The following CADM1 variants were observed in gnomAD, a reference collection of about 807,000 sequenced individuals.
The protein encoded by CADM1 is cell adhesion molecule 1.
Under a neutral mutation model 53.1 loss-of-function variants are expected in CADM1, and 15 were observed. That is an observed-to-expected ratio of 0.28 (90% CI 0.19 to 0.44). The LOEUF is 0.44. Ranked by LOEUF, CADM1 falls within the 20% of genes least tolerant of loss-of-function variation. The probability of loss-of-function intolerance (pLI) is 1.00; values close to 1 mark genes in which losing one functional copy is unlikely to be tolerated. For missense variants in CADM1, 434 were observed against 611.3 expected (o/e 0.71, Z 3.06); for synonymous variants, 281 against 243.0 (o/e 1.16, Z -1.45).
chr11:115,376,285 C>T (rs1210052002), intron 1 of CADM1, among the ~76,000 whole-genome samples: 2 of 152,098 alleles, frequency 1.3e-5, no homozygotes. Context: ...CAAACAATAC[C>T]TGCACATTAA....
At chr11:115,232,218 A>G (rs10458968) in intron 3 of CADM1, among the ~76,000 whole-genome samples, 8,738 of 152,218 alleles carry the variant, frequency 0.057, 363 homozygotes, top group Admixed American at 0.14. Context: ...TCAATCTTCA[A>G]ATGAAAGATT....
intron 8 of CADM1, among the ~76,000 whole-genome samples, chr11:115,200,555 G>T (rs1940372929): frequency 6.6e-6 from 1 of 152,150 alleles, no homozygotes; most frequent in Non-Finnish European, 1.5e-5. Flanking sequence ...GAGAGCAACG[G>T]CGTGATCTTG....
At chr11:115,357,916 C>T (rs1284964246) in intron 1 of CADM1, among the ~76,000 whole-genome samples, 1 of 152,010 alleles carries the variant, frequency 6.6e-6, no homozygotes, top group Admixed American at 6.6e-5. Context: ...AGCTTACAGT[C>T]CAGTACAACA....
intron 1 of CADM1, among the ~76,000 whole-genome samples, chr11:115,276,481 C>A (rs971570131): frequency 6.6e-6 from 1 of 152,176 alleles, no homozygotes; most frequent in Non-Finnish European, 1.5e-5. Flanking sequence ...AGTCAACAGA[C>A]AAAGCGGCGT....
At chr11:115,380,830 C>T (rs1161280521) in intron 1 of CADM1, among the ~76,000 whole-genome samples, 1 of 152,136 alleles carries the variant, frequency 6.6e-6, no homozygotes, top group African/African-American at 2.4e-5. Flanking sequence ...TGAAGTATAA[C>T]ATGATTTAGG....
intron 1 of CADM1, among the ~76,000 whole-genome samples, chr11:115,406,910 A>G (rs1415056444): frequency 6.6e-6 from 1 of 151,474 alleles, no homozygotes; most frequent in African/African-American, 2.4e-5. Context: ...AGATTATGCC[A>G]TTGCACTCCA....
At chr11:115,229,466 A>G (rs2275997) in intron 4 of CADM1, among the ~76,000 whole-genome samples, 195 bp from the exon 5 acceptor site, 80,381 of 151,944 alleles carry the variant, frequency 0.53, 21,727 homozygotes, top group Admixed American at 0.57. Context: ...CTTTTCAACC[A>G]GGCAGCATAG....
At chr11:115,307,070 C>T (rs1050857917) in intron 1 of CADM1, among the ~76,000 whole-genome samples, 15 of 151,854 alleles carry the variant, frequency 9.9e-5, no homozygotes, top group African/African-American at 3.4e-4. Flanking sequence ...CAAATAGTTA[C>T]AGTATTTCAG....
chr11:115,409,811 A>G (rs1448712750), intron 1 of CADM1, among the ~76,000 whole-genome samples: 1 of 152,168 alleles, frequency 6.6e-6, no homozygotes, highest in Non-Finnish European at 1.5e-5. Flanking sequence ...CAAGCTGGCA[A>G]AAGTCCAAAC....
At chr11:115,290,126 G>A (rs574846189) in intron 1 of CADM1, among the ~76,000 whole-genome samples, 53 of 152,328 alleles carry the variant, frequency 3.5e-4, no homozygotes, top group African/African-American at 1.3e-3. Context: ...GCATGCACAT[G>A]TAAACAGATG....
At chr11:115,255,137 G>A (rs1355164961) in intron 1 of CADM1, among the ~76,000 whole-genome samples, 1 of 152,160 alleles carries the variant, frequency 6.6e-6, no homozygotes, top group Non-Finnish European at 1.5e-5. Context: ...ACGGGCTTTG[G>A]CATCAGTGTT....
chr11:115,417,122 A>G (rs1947617505), intron 1 of CADM1, among the ~76,000 whole-genome samples: 1 of 152,214 alleles, frequency 6.6e-6, no homozygotes, highest in Non-Finnish European at 1.5e-5. Context: ...TAACCATCCA[A>G]GGGAAAATAG....
intron 1 of CADM1, chr11:115,256,693 A>G (rs983936337): frequency 8.2e-5 from 33 of 402,622 alleles, no homozygotes; most frequent in African/African-American, 6.5e-4. Flanking sequence ...AGGGAGAGAG[A>G]GCCAGCAACA....
chr11:115,259,925 G>A (rs937670313), intron 1 of CADM1, among the ~76,000 whole-genome samples: 4 of 151,994 alleles, frequency 2.6e-5, no homozygotes, highest in African/African-American at 9.7e-5. Context: ...AACCCTCTCT[G>A]TTTTTGTTTT....
In CADM1 at chr11:115,320,650, T is replaced by A. The variant is rs372478107; in HGVS notation, c.125-80230A>T. Among the ~76,000 whole-genome samples the A allele has an allele frequency of 9.2e-5, 14 of 152,132 alleles. No individual in the cohort carries two copies. The East Asian group carries it at 2.1e-3, about 23-fold the overall frequency. ...TAGTGTTTAGACCTACAGTTTTATC[T>A]TCAATGCTTGAGTATCCTGAAGTTG... is the stretch of plus-strand genomic sequence containing the variant. On this transcript the variant is annotated intron_variant, in intron 1 of 11. Transcript: ENST00000331581.
chr11:115,450,289 C>T (rs375774898), intron 1 of CADM1, among the ~76,000 whole-genome samples: 3 of 152,194 alleles, frequency 2.0e-5, no homozygotes, highest in African/African-American at 7.2e-5. Context: ...CTGTTTCCTT[C>T]ACTTGCATCC....
chr11:115,363,228 G>A (rs960952393), intron 1 of CADM1, among the ~76,000 whole-genome samples: 7 of 152,062 alleles, frequency 4.6e-5, no homozygotes, highest in Admixed American at 2.0e-4. Flanking sequence ...CCAAAATACC[G>A]CAAGCATTCA....
intron 1 of CADM1, among the ~76,000 whole-genome samples, chr11:115,475,765 A>G (rs2135400161): frequency 6.6e-6 from 1 of 152,322 alleles, no homozygotes; most frequent in African/African-American, 2.4e-5. Context: ...CGGCTGCCAA[A>G]GGTTAGCAGT....
intron 1 of CADM1, among the ~76,000 whole-genome samples, chr11:115,266,789 TAAA>T (rs1943152311): frequency 6.6e-6 from 1 of 152,190 alleles, no homozygotes; most frequent in Non-Finnish European, 1.5e-5. Context: ...TGTATCTTAA[TAAA>T]AAAGGGATTT....
Sources: allele counts gnomAD v4.1 joint callset (sites outside exome capture counted in the v4.1 genomes callset), GRCh38; gene constraint gnomAD v4.1.1; transcripts MANE v1.5; gene names NCBI Gene and HGNC (gene_info 2026-07-23, HGNC 2026-07-21).